ARSH: variants seen among roughly 807,000 people sequenced by gnomAD.
ARSH encodes the protein arylsulfatase H.
Under a neutral mutation model 28.7 loss-of-function variants are expected in ARSH, and 32 were observed. That is an observed-to-expected ratio of 1.11 (90% CI 0.84 to 1.50). The LOEUF is 1.50. Ranked by LOEUF, ARSH falls within the 40% of genes most tolerant of loss-of-function variation. The probability of loss-of-function intolerance (pLI) is 0.00; values close to 1 mark genes in which losing one functional copy is unlikely to be tolerated. For synonymous variants in ARSH, 176 were observed against 177.3 expected (o/e 0.99, Z 0.06); for missense variants, 440 against 452.4 (o/e 0.97, Z 0.25).
At position 3,029,404 on chromosome X, in the gene ARSH, T is replaced by C. The variant is rs138875536; in HGVS notation, c.1321+36T>C. 6,069 of 1,187,077 alleles carry C rather than the reference T, an allele frequency of 5.1e-3. 180 individuals are homozygous for C. In the African/African-American group the frequency reaches 0.092, roughly 18 times the overall value. On this transcript the variant is annotated intron_variant, in intron 8 of 8. Coordinates refer to ENST00000381130, the MANE Select transcript of ARSH (RefSeq NM_001011719.2). ...AGGCTGTGGACACGTGGAAAGACGATAAGGGCCCGGTTCCGGTCTCCTTCG... is the reference window on the plus strand; with the variant it reads ...AGGCTGTGGACACGTGGAAAGACGACAAGGGCCCGGTTCCGGTCTCCTTCG...
Position 3,033,111 on chromosome X carries a change from G to A in ARSH, c.1415G>A (p.Gly472Glu), listed in dbSNP as rs762843427. ...CYGSGICSCS[G>E]DVTYHDPPLL... ...GGGAGTGGAATATGTTCATGTTCGG[G>A]GGATGTAACCTACCACGACCCACCA... Residue 472 changes from glycine (G) to glutamate (E), a missense_variant, in exon 9 of 9, where the codon GGG (glycine) becomes GAG (glutamate). Physicochemically the swap from Gly to Glu is moderately conservative, Grantham distance 98. Transcript: ENST00000381130. 9.9e-6 allele frequency: 12 copies of A among 1,209,018 alleles called. No homozygotes were observed. In the South Asian group the frequency reaches 1.4e-4, roughly 14 times the overall value.
intron 3 of ARSH, among the ~76,000 whole-genome samples, chrX:3,013,474 A>G (rs1364599816): frequency 1.8e-5 from 2 of 109,946 alleles, no homozygotes; most frequent in African/African-American, 6.6e-5. Context: ...AAAAACCAGT[A>G]AATTTGTAGA....
chrX:3,022,173 T>C (rs2089886229), intron 5 of ARSH, among the ~76,000 whole-genome samples: 1 of 111,588 alleles, frequency 9.0e-6, no homozygotes. Flanking sequence ...TACAGACAAT[T>C]ATTTGCAAAT....
At chrX:3,006,748 C>G (rs747439408) in intron 1 of ARSH, 44 bp downstream of exon 1, 19 of 1,038,316 alleles carry the variant, frequency 1.8e-5, no homozygotes, top group Non-Finnish European at 2.5e-5. Context: ...GGGAGTCTCC[C>G]TTACCACAGT....
At chrX:3,019,962 T>C (rs989201752) in intron 5 of ARSH, among the ~76,000 whole-genome samples, 2 of 109,809 alleles carry the variant, frequency 1.8e-5, no homozygotes, top group Non-Finnish European at 3.8e-5. Context: ...TAACATTTAC[T>C]GTCTATATTT....
At chrX:3,007,914 T>C (rs1310477508) in intron 1 of ARSH, among the ~76,000 whole-genome samples, 2 of 111,462 alleles carry the variant, frequency 1.8e-5, no homozygotes, top group Non-Finnish European at 3.8e-5. Context: ...TTTCCTCTTC[T>C]TATAAAGACC....
rs3032484 is a variant in ARSH, at chrX:3,021,881, T to TTGTGTGTG, written c.902-2116_902-2109dup. Among the ~76,000 whole-genome samples the TTGTGTGTG allele has an allele frequency of 6.6e-3, 625 of 94,251 alleles. 4 individuals are homozygous for TTGTGTGTG. The highest frequency in any genetic ancestry group is 0.016 in the African/African-American group (406 of 25,470). 81.8% of individuals were successfully genotyped at this position (94,251 alleles called of 115,157 possible). A position where few individuals can be genotyped will look rare whatever the true frequency, so the allele number is the denominator to read the frequency against. On this transcript the variant is annotated intron_variant, in intron 5 of 8. Coordinates refer to ENST00000381130, the MANE Select transcript of ARSH (RefSeq NM_001011719.2). ...ATGTGCACCACCATGTCTGGCCAATTTGTGTGTGTGTGTGTGTGTGTGTGT... is the reference window on the plus strand; with the variant it reads ...ATGTGCACCACCATGTCTGGCCAATTTGTGTGTGTGTGTGTGTGTGTGTGTGTGTGTGT...
intron 6 of ARSH, among the ~76,000 whole-genome samples, chrX:3,026,137 A>G (rs2089898197): frequency 9.0e-6 from 1 of 110,914 alleles, no homozygotes; most frequent in Non-Finnish European, 1.9e-5. Flanking sequence ...TTAAAAGCAC[A>G]TAGATTTGGT....
chrX:3,012,569 ATATATATAT>A (rs1322621483), intron 2 of ARSH, among the ~76,000 whole-genome samples: 1 of 18,290 alleles, frequency 5.5e-5, no homozygotes, highest in African/African-American at 3.1e-4. Context: ...AAAAAAAAAA[ATATATATAT>A]ATATATATAT....
intron 6 of ARSH, among the ~76,000 whole-genome samples, chrX:3,024,757 C>A (rs1030709614): frequency 9.0e-6 from 1 of 111,054 alleles, no homozygotes; most frequent in Non-Finnish European, 1.9e-5. Flanking sequence ...TCCTCATGGC[C>A]AGCAGATTCT....
At chrX:3,017,922 TAA>T (rs1435901359) in intron 4 of ARSH, among the ~76,000 whole-genome samples, 4 of 112,594 alleles carry the variant, frequency 3.6e-5, no homozygotes, top group African/African-American at 9.7e-5. Flanking sequence ...CAACAAAGAT[TAA>T]AAGATTTATT....
intron 6 of ARSH, among the ~76,000 whole-genome samples, chrX:3,025,147 G>A (rs1266711994): frequency 9.3e-6 from 1 of 107,667 alleles, no homozygotes; most frequent in Non-Finnish European, 1.9e-5. Flanking sequence ...TAGTCACTAT[G>A]TATATATAGT....
intron 7 of ARSH, among the ~76,000 whole-genome samples, chrX:3,028,068 A>C (rs2089903744): frequency 9.0e-6 from 1 of 111,453 alleles, no homozygotes; most frequent in South Asian, 3.8e-4. Context: ...TCGTCACTGC[A>C]CTCCAGCCTG....
chrX:3,016,521 G>A (rs1430800881), intron 4 of ARSH, among the ~76,000 whole-genome samples: 1 of 110,888 alleles, frequency 9.0e-6, no homozygotes, highest in African/African-American at 3.3e-5. Flanking sequence ...AAGCTATGCA[G>A]GCATAACTAT....
intron 2 of ARSH, among the ~76,000 whole-genome samples, chrX:3,010,615 T>A (rs1295429721): frequency 8.9e-6 from 1 of 112,441 alleles, no homozygotes; most frequent in East Asian, 2.8e-4. Context: ...GACCCCATCA[T>A]TTCAAGATTT....
chrX:3,012,738 T>C (rs910800867), intron 2 of ARSH, among the ~76,000 whole-genome samples: 3 of 104,497 alleles, frequency 2.9e-5, no homozygotes, highest in Non-Finnish European at 3.9e-5. Context: ...TGTCCTCAGA[T>C]ACTATTGAAA....
At position 3,024,118 on chromosome X, in the gene ARSH, G is replaced by A; in HGVS notation, c.999G>A (p.Gly333=). 1 of 1,201,654 alleles carries A rather than the reference G, an allele frequency of 8.3e-7. No homozygotes were observed. The highest frequency in any genetic ancestry group is 1.1e-6 in the Non-Finnish European group (1 of 891,448). Residue 333 remains glycine (G), a synonymous_variant, in exon 6 of 9, where the codon GGG becomes GGA. Coordinates refer to ENST00000381130, the MANE Select transcript of ARSH (RefSeq NM_001011719.2). The part of the protein sequence containing the change: ...DNGGHLEPLD[G]AVQLGGWNGI... ...GGGGCCACCTGGAGCCCCTGGACGG[G>A]GCTGTTCAGCTGGGTGGCTGGAACG...
chrX:3,015,394 G>A lies in ARSH; in HGVS notation c.764+1G>A. 1 of 1,202,251 alleles carries A rather than the reference G, an allele frequency of 8.3e-7. No individual in the cohort carries two copies. The highest frequency in any genetic ancestry group is 1.1e-6 in the Non-Finnish European group (1 of 890,884). On this transcript the variant is annotated splice_donor_variant, in intron 4 of 8. Transcript: ENST00000381130. LOFTEE classifies it high-confidence loss of function. ...AGGAGGCACTTGCTTTCATTGAAAG[G>A]TATTTAGCCATTTCTTGCCTGATTT...
intron 8 of ARSH, 125 bp from the exon 9 acceptor site, chrX:3,032,893 T>C (rs2089918331): frequency 1.2e-5 from 8 of 674,103 alleles, no homozygotes; most frequent in Middle Eastern, 4.0e-4. Flanking sequence ...ACTGTTGCTG[T>C]GTAATGCTGT....
Sources: gnomAD v4.1 joint callset for allele counts (sites outside exome capture counted in the v4.1 genomes callset) on GRCh38, gnomAD v4.1.1 for gene constraint, MANE v1.5 for transcripts, NCBI Gene and HGNC (gene_info 2026-07-23, HGNC 2026-07-21) for gene names.